The following CELA3B variants were observed in gnomAD, a reference collection of about 807,000 sequenced individuals.
The protein encoded by CELA3B is chymotrypsin like elastase 3B.
A neutral mutation model predicts 37.2 loss-of-function variants in CELA3B; 34 were observed. The observed-to-expected ratio is 0.91, with a 90% CI of 0.70 to 1.22. CELA3B has a LOEUF of 1.22. CELA3B is among the 50% of genes most tolerant of loss of function. The probability of loss-of-function intolerance (pLI) is 0.00; values close to 1 mark genes in which losing one functional copy is unlikely to be tolerated. For synonymous variants in CELA3B, 127 were observed against 143.5 expected, an observed-to-expected ratio of 0.89 and a Z score of 0.82; for missense variants, 340 against 363.1, an observed-to-expected ratio of 0.94 and a Z score of 0.52.
rs1359301881 is a variant in CELA3B at position 21,978,796 on chromosome 1, G to A, written c.129+342G>A. Among the ~76,000 whole-genome samples the A allele has an allele frequency of 2.8e-4, 43 of 152,136 alleles. No homozygotes were observed. In the East Asian group the frequency reaches 6.2e-3, roughly 22 times the overall value. ...CCTAGGATGATACAACAGGGCTATG[G>A]GGTCTGAAAGCAATAAGGGAGTGAG... On this transcript the variant is annotated intron_variant, in intron 2 of 7. Transcript: ENST00000337107.
chr1:21,989,943 A>G (rs1160704948), downstream of CELA3B, among the ~76,000 whole-genome samples: 1 of 150,832 alleles, frequency 6.6e-6, no homozygotes, highest in Non-Finnish European at 1.5e-5. Context: ...AAAGGAAAGA[A>G]GTGTAATTGA....
Position 21,983,806 on chromosome 1 carries a change from A to G in CELA3B, c.475A>G (p.Ile159Val). 1.2e-5 allele frequency: 20 copies of G among 1,614,024 alleles called. No individual in the cohort carries two copies. Among genetic ancestry groups the G allele is most frequent in the Non-Finnish European group, 1.7e-5 (20 of 1,180,002 alleles). ...DILPNETPCYITGWGRLYTNG... is the reference protein window; with the variant it reads ...DILPNETPCYVTGWGRLYTNG... The stretch of plus-strand genomic sequence containing the variant: ...CCTTCCCAACGAGACACCCTGCTAC[A>G]TCACCGGCTGGGGCCGTCTCTATAG... The change falls in exon 5 of 8, where the codon ATC becomes GTC. Residue 159 changes from isoleucine (I) to valine (V), a missense_variant. By Grantham distance (29) the Ile-to-Val change is conservative. Coordinates refer to ENST00000337107, the MANE Select transcript of CELA3B (RefSeq NM_007352.4).
downstream of CELA3B, among the ~76,000 whole-genome samples, chr1:21,993,488 A>C (rs1208319842): frequency 1.3e-5 from 2 of 150,806 alleles, no homozygotes; most frequent in Non-Finnish European, 2.9e-5. Flanking sequence ...AAGAAGAAGA[A>C]AAGAAAAGAA....
downstream of CELA3B, among the ~76,000 whole-genome samples, chr1:21,993,234 G>T (rs1644876185): frequency 6.6e-6 from 1 of 151,362 alleles, no homozygotes; most frequent in Non-Finnish European, 1.5e-5. Context: ...GCTGAGGCAG[G>T]TGGGTCACTT....
At chr1:21,977,483 C>T (rs1199279361) in intron 1 of CELA3B, among the ~76,000 whole-genome samples, 3 of 152,168 alleles carry the variant, frequency 2.0e-5, no homozygotes, top group Non-Finnish European at 2.9e-5. Flanking sequence ...TGCCATATTA[C>T]ATTCCAGCTC....
At chr1:21,982,250 G>A (rs925576643) in intron 4 of CELA3B, among the ~76,000 whole-genome samples, 16 of 152,094 alleles carry the variant, frequency 1.1e-4, no homozygotes, top group Non-Finnish European at 1.9e-4. Flanking sequence ...AAGACAGAGG[G>A]CAGTGGTTCT....
downstream of CELA3B, among the ~76,000 whole-genome samples, chr1:21,994,109 T>G (rs1345388810): frequency 6.6e-6 from 1 of 151,770 alleles, no homozygotes; most frequent in Admixed American, 6.6e-5. Context: ...GCCCCACTTC[T>G]CTGCTCCCAT....
At chr1:21,988,722 T>C (rs1484331214) in intron 7 of CELA3B, among the ~76,000 whole-genome samples, 2 of 151,368 alleles carry the variant, frequency 1.3e-5, no homozygotes, top group Non-Finnish European at 2.9e-5. Flanking sequence ...AAACCCTGTC[T>C]CTACTAAAAA....
intron 4 of CELA3B, among the ~76,000 whole-genome samples, chr1:21,997,676 T>A (rs1644896694): frequency 7.2e-6 from 1 of 138,960 alleles, no homozygotes; most frequent in East Asian, 2.0e-4. Context: ...GGGACAAGAG[T>A]GAGACTTCGT....
downstream of CELA3B, among the ~76,000 whole-genome samples, chr1:21,992,889 C>A (rs1295080783): frequency 6.7e-6 from 1 of 149,068 alleles, no homozygotes; most frequent in Non-Finnish European, 1.5e-5. Context: ...CACTTGAGCC[C>A]GAGAGGTTGA....
intron 2 of CELA3B, 151 bp downstream of exon 2, chr1:21,978,605 G>C (rs4655004): frequency 1.2e-5 from 11 of 914,822 alleles, no homozygotes; most frequent in Middle Eastern, 3.3e-4. Context: ...TCTACTTCAC[G>C]GGGAGGTTTT....
chr1:21,988,216 A>G (rs866029063), intron 7 of CELA3B, among the ~76,000 whole-genome samples: 148 of 144,536 alleles, frequency 1.0e-3, no homozygotes, highest in Admixed American at 1.4e-3. Context: ...CATCTCAAAA[A>G]CAAAAACAAA....
intron 4 of CELA3B, among the ~76,000 whole-genome samples, chr1:21,982,939 C>A (rs1032417963): frequency 1.3e-5 from 2 of 152,158 alleles, no homozygotes; most frequent in Admixed American, 1.3e-4. Context: ...TCTGTTTTAA[C>A]AAGCCTCCAG....
chr1:21,994,225 A>G (rs182952929), downstream of CELA3B, among the ~76,000 whole-genome samples: 10,475 of 150,164 alleles, frequency 0.07, 662 homozygotes, highest in East Asian at 0.14. Flanking sequence ...TCCCACTTCC[A>G]GTGGGAGATT....
chr1:21,978,209 A>C (rs906387827), intron 1 of CELA3B, among the ~76,000 whole-genome samples, 160 bp from the exon 2 acceptor site: 1 of 149,840 alleles, frequency 6.7e-6, no homozygotes, highest in African/African-American at 2.5e-5. Context: ...CTCTAGTTTA[A>C]ATGTTCACTA....
In CELA3B at chr1:21,978,650, G is replaced by A. The variant is rs146290868; in HGVS notation, c.129+196G>A. On this transcript the variant is annotated intron_variant, in intron 2 of 7. Transcript: ENST00000337107. ...GTCTGTAACCCTCACTGGGCTATTT[G>A]CAACTTAAAAGTGGAATCGGGGGTG... Among the ~76,000 whole-genome samples the A allele has an allele frequency of 9.1e-3, 1,389 of 152,286 alleles. 8 individuals are homozygous for A. The highest frequency in any genetic ancestry group is 0.02 in the Middle Eastern group (6 of 294).
Position 21,986,586 on chromosome 1 carries a change from A to G in CELA3B, c.698A>G (p.His233Arg). The G allele has an allele frequency of 6.2e-7, 1 of 1,614,118 alleles. No homozygotes were observed. Among genetic ancestry groups the G allele is most frequent in the Non-Finnish European group, 8.5e-7 (1 of 1,180,022 alleles). ...CPTEDGGWQVHGVTSFVSAFG... is the reference protein window; with the variant it reads ...CPTEDGGWQVRGVTSFVSAFG... Reference sequence around the variant, plus strand: ...ACAGAGGATGGTGGCTGGCAGGTCCATGGCGTGACCAGCTTTGTTTCTGCC... The same window carrying G: ...ACAGAGGATGGTGGCTGGCAGGTCCGTGGCGTGACCAGCTTTGTTTCTGCC... The change falls in exon 7 of 8, where the codon CAT (histidine) becomes CGT (arginine). Residue 233 changes from histidine to arginine, a missense_variant. By Grantham distance (29) the His-to-Arg change is conservative. Coordinates refer to ENST00000337107, the MANE Select transcript of CELA3B (RefSeq NM_007352.4).
chr1:21,982,932 G>A (rs1644813783), intron 4 of CELA3B, among the ~76,000 whole-genome samples: 1 of 152,196 alleles, frequency 6.6e-6, no homozygotes, highest in Non-Finnish European at 1.5e-5. Context: ...GCAGCAGTCT[G>A]TTTTAACAAG....
At chr1:21,993,198 T>G, downstream of CELA3B, among the ~76,000 whole-genome samples, 1 of 151,478 alleles carries the variant, frequency 6.6e-6, no homozygotes, top group Non-Finnish European at 1.5e-5. Flanking sequence ...CTGTGACTCA[T>G]GCCTGTAATC....
Sources: gnomAD v4.1 joint callset for allele counts (sites outside exome capture counted in the v4.1 genomes callset) on GRCh38, gnomAD v4.1.1 for gene constraint, MANE v1.5 for transcripts, NCBI Gene and HGNC (gene_info 2026-07-23, HGNC 2026-07-21) for gene names.